The following KSR2 variants were observed in gnomAD, a reference collection of about 807,000 sequenced individuals.
The protein encoded by KSR2 is kinase suppressor of ras 2.
KSR2 carries 25 observed loss-of-function variants against 107.8 expected under a neutral mutation model. The ratio of observed to expected loss-of-function variants is 0.23; its 90% CI spans 0.17 to 0.32. KSR2 has a LOEUF of 0.32. KSR2 is among the 10% of genes least tolerant of loss of function. The pLI, the probability that KSR2 is intolerant of heterozygous loss-of-function variation, is 1.00. For missense variants in KSR2, 887 were observed against 1,268.9 expected, an observed-to-expected ratio of 0.70 and a Z score of 4.57; for synonymous variants, 480 against 507.0, an observed-to-expected ratio of 0.95 and a Z score of 0.71.
intron 19 of KSR2, among the ~76,000 whole-genome samples, chr12:117,467,629 T>A (rs1417743359): frequency 1.3e-5 from 2 of 152,108 alleles, no homozygotes; most frequent in African/African-American, 4.8e-5. Context: ...TCATCTAGTG[T>A]ATGGGGCTGG....
intron 1 of KSR2, among the ~76,000 whole-genome samples, chr12:117,874,438 G>A (rs1430303900): frequency 6.6e-6 from 1 of 152,028 alleles, no homozygotes; most frequent in Admixed American, 6.6e-5. Context: ...TTGCTATGTT[G>A]CCCAGGCTGG....
intron 1 of KSR2, among the ~76,000 whole-genome samples, chr12:117,947,205 A>AAAGAAAGAAAGAAAGAAAGAAAGAAAG (rs58567161): frequency 5.8e-5 from 4 of 69,238 alleles, no homozygotes; most frequent in African/African-American, 2.1e-4. Context: ...GAAAAGAAAG[A>AAAGAAAGAAAGAAAGAAAGAAAGAAAG]AAAGAAAGAA....
At chr12:117,809,518 A>T (rs1424046178) in intron 3 of KSR2, among the ~76,000 whole-genome samples, 2 of 152,168 alleles carry the variant, frequency 1.3e-5, no homozygotes, top group Non-Finnish European at 2.9e-5. Flanking sequence ...AATCGACATA[A>T]ATGTCAGCTT....
At chr12:117,544,086 G>T (rs1182245159) in intron 9 of KSR2, among the ~76,000 whole-genome samples, 3 of 152,186 alleles carry the variant, frequency 2.0e-5, no homozygotes, top group African/African-American at 7.2e-5. Flanking sequence ...CACATTCACA[G>T]GTCCTGGAGG....
chr12:117,742,970 G>C (rs938651704), intron 4 of KSR2, among the ~76,000 whole-genome samples: 1 of 152,184 alleles, frequency 6.6e-6, no homozygotes, highest in Non-Finnish European at 1.5e-5. Flanking sequence ...AGTGTGGTTA[G>C]TTTGATGAAC....
intron 3 of KSR2, among the ~76,000 whole-genome samples, chr12:117,763,709 T>G (rs143924801): frequency 5.3e-5 from 8 of 152,234 alleles, no homozygotes; most frequent in African/African-American, 1.9e-4. Context: ...AGGAAGCCAT[T>G]GGGAGTTTTG....
At chr12:117,896,110 T>C (rs1894501754) in intron 1 of KSR2, among the ~76,000 whole-genome samples, 1 of 152,210 alleles carries the variant, frequency 6.6e-6, no homozygotes, top group South Asian at 2.1e-4. Context: ...AGCCAAAAAG[T>C]AGAAGCAACC....
At chr12:117,629,614 C>A (rs7316731) in intron 5 of KSR2, among the ~76,000 whole-genome samples, 6,481 of 152,230 alleles carry the variant, frequency 0.043, 194 homozygotes, top group Non-Finnish European at 0.061. Flanking sequence ...CCATAATCTG[C>A]AAAACAAGAG....
At chr12:117,784,618 A>T (rs919697358) in intron 3 of KSR2, among the ~76,000 whole-genome samples, 2 of 151,828 alleles carry the variant, frequency 1.3e-5, no homozygotes, top group African/African-American at 4.8e-5. Context: ...CTTTAAGTCC[A>T]TTGCACCCAT....
In KSR2 at chr12:117,461,311, G is replaced by A. The variant is rs927833866; in HGVS notation, c.*5888C>T. 19 of 152,234 alleles carry A rather than the reference G, an allele frequency of 1.2e-4. No individual in the cohort carries two copies. The highest frequency in any genetic ancestry group is 1.2e-3 in the Admixed American group (18 of 15,274). The allele number at this position is 152,234 out of a possible 1,614,324, so 9.4% of individuals were successfully genotyped here. A position where few individuals can be genotyped will look rare whatever the true frequency, so the allele number is the denominator to read the frequency against. On this transcript the variant is annotated 3_prime_UTR_variant, in exon 20 of 20. Coordinates refer to ENST00000339824, the MANE Select transcript of KSR2 (RefSeq NM_173598.6). ...AAACCTAACAAACAAACTCATTGGG[G>A]TTGATATGGCACCCACAACATGGTC... is the stretch of plus-strand genomic sequence containing the variant.
chr12:117,702,750 C>A (rs1396653261), intron 4 of KSR2, among the ~76,000 whole-genome samples: 1 of 152,162 alleles, frequency 6.6e-6, no homozygotes, highest in Non-Finnish European at 1.5e-5. Context: ...CCAAAGTCTC[C>A]AATCACTTTC....
intron 4 of KSR2, among the ~76,000 whole-genome samples, chr12:117,729,418 T>C (rs1251700939): frequency 2.0e-5 from 3 of 152,118 alleles, no homozygotes; most frequent in Non-Finnish European, 4.4e-5. Flanking sequence ...AGGACAACTC[T>C]AAGAGATCTG....
chr12:117,508,755 G>A (rs1873853400), intron 14 of KSR2, among the ~76,000 whole-genome samples: 1 of 151,828 alleles, frequency 6.6e-6, no homozygotes, highest in African/African-American at 2.4e-5. Flanking sequence ...ATGAGTGGAT[G>A]GGTAGGTTAA....
intron 10 of KSR2, among the ~76,000 whole-genome samples, chr12:117,535,859 G>A (rs892494248): frequency 1.3e-5 from 2 of 152,060 alleles, no homozygotes; most frequent in African/African-American, 4.8e-5. Context: ...CTAAACAGAA[G>A]CAATACCATG....
At chr12:117,952,347 T>A (rs1338995995) in intron 1 of KSR2, among the ~76,000 whole-genome samples, 3 of 152,026 alleles carry the variant, frequency 2.0e-5, no homozygotes, top group Non-Finnish European at 4.4e-5. Context: ...GCTGAAAAAA[T>A]TTAATTTAAA....
intron 4 of KSR2, among the ~76,000 whole-genome samples, chr12:117,752,718 A>T (rs1055493688): frequency 6.6e-6 from 1 of 152,214 alleles, no homozygotes; most frequent in African/African-American, 2.4e-5. Flanking sequence ...GATTTGAAAA[A>T]ATATATATGT....
intron 1 of KSR2, among the ~76,000 whole-genome samples, chr12:117,899,193 C>G (rs17619375): frequency 0.13 from 19,694 of 152,126 alleles, 1,373 homozygotes; most frequent in South Asian, 0.19. Context: ...TAGATAAAGG[C>G]CTATGACAAG....
chr12:117,569,571 G>A (rs760487280), intron 7 of KSR2, among the ~76,000 whole-genome samples: 1 of 152,156 alleles, frequency 6.6e-6, no homozygotes, highest in Non-Finnish European at 1.5e-5. Flanking sequence ...GAAGTGGGCA[G>A]TAACCTCAAC....
intron 1 of KSR2, among the ~76,000 whole-genome samples, chr12:117,952,984 CAA>C (rs33941668): frequency 1.9e-4 from 19 of 100,790 alleles, no homozygotes; most frequent in Admixed American, 5.9e-4. Context: ...GACTCCATCT[CAA>C]AAAAAAAAAA....
Sources: gnomAD v4.1 joint callset for allele counts (sites outside exome capture counted in the v4.1 genomes callset) on GRCh38, gnomAD v4.1.1 for gene constraint, MANE v1.5 for transcripts, NCBI Gene and HGNC (gene_info 2026-07-23, HGNC 2026-07-21) for gene names.